SPNS3: variants seen among roughly 807,000 people sequenced by gnomAD.
SPNS3 encodes protein spinster homolog 3.
SPNS3 carries 51 observed loss-of-function variants against 54.4 expected under a neutral mutation model. That is an observed-to-expected ratio of 0.94 (90% CI 0.75 to 1.18). SPNS3 has a LOEUF of 1.18. Among genes scored for constraint, SPNS3 ranks in the 50% most tolerant of loss-of-function variants. The pLI, the probability that SPNS3 is intolerant of heterozygous loss-of-function variation, is 0.00. For missense variants in SPNS3, 669 were observed against 677.4 expected (o/e 0.99, Z 0.14); for synonymous variants, 309 against 294.7 (o/e 1.05, Z -0.50).
chr17:4,457,740 G>GC (rs372560595), intron 8 of SPNS3, among the ~76,000 whole-genome samples: 11 of 147,206 alleles, frequency 7.5e-5, no homozygotes, highest in South Asian at 2.2e-4. Context: ...GGACACAGCT[G>GC]CCCCCCCCTC....
intron 8 of SPNS3, among the ~76,000 whole-genome samples, chr17:4,476,880 C>T (rs936542300): frequency 2.0e-5 from 3 of 152,212 alleles, no homozygotes; most frequent in Non-Finnish European, 4.4e-5. Flanking sequence ...AGCTGGGCCG[C>T]GTTCCTGTCC....
chr17:4,454,610 CTTTTTTTT>C (rs55918406), intron 8 of SPNS3, among the ~76,000 whole-genome samples: 1 of 76,386 alleles, frequency 1.3e-5, no homozygotes, highest in Non-Finnish European at 2.3e-5. Context: ...CCAAATAAAG[CTTTTTTTT>C]TTTTTTTTTT....
intron 8 of SPNS3, among the ~76,000 whole-genome samples, chr17:4,456,534 T>G (rs966017633): frequency 1.3e-4 from 20 of 152,190 alleles, no homozygotes; most frequent in Admixed American, 1.3e-4. Context: ...TTATTTTATT[T>G]TATTTTTTTG....
At chr17:4,435,456 A>AT (rs1243505119) in intron 1 of SPNS3, among the ~76,000 whole-genome samples, 7 of 135,324 alleles carry the variant, frequency 5.2e-5, no homozygotes, top group African/African-American at 2.2e-4. Context: ...AAAAAAAATA[A>AT]AAAATAAAAA....
chr17:4,451,930 C>T (rs1166914659), intron 7 of SPNS3, among the ~76,000 whole-genome samples: 5 of 151,746 alleles, frequency 3.3e-5, no homozygotes, highest in African/African-American at 7.3e-5. Context: ...CCACCCACCT[C>T]GGCCTCCCAA....
intron 8 of SPNS3, among the ~76,000 whole-genome samples, chr17:4,461,349 T>C (rs1243365423): frequency 7.3e-6 from 1 of 136,240 alleles, no homozygotes; most frequent in Non-Finnish European, 1.5e-5. Flanking sequence ...TTGCTTTCTT[T>C]TCTTTTCTTT....
intron 6 of SPNS3, among the ~76,000 whole-genome samples, chr17:4,448,852 A>G (rs1314446215): frequency 6.6e-6 from 1 of 152,200 alleles, no homozygotes. Flanking sequence ...AGAGGAAGAC[A>G]GGGCAGGCAG....
chr17:4,434,331 A>C (rs1424186047), intron 1 of SPNS3, among the ~76,000 whole-genome samples, 165 bp downstream of exon 1: 7 of 152,044 alleles, frequency 4.6e-5, no homozygotes, highest in African/African-American at 1.7e-4. Flanking sequence ...CGAATCGGGG[A>C]GGACCAACTG....
intron 8 of SPNS3, among the ~76,000 whole-genome samples, chr17:4,459,117 C>T (rs1971425058): frequency 2.0e-5 from 3 of 152,142 alleles, no homozygotes; most frequent in Admixed American, 2.0e-4. Flanking sequence ...ATGGATTCCT[C>T]CCTGGTTGCT....
At chr17:4,438,319 T>C (rs1283374811) in intron 1 of SPNS3, among the ~76,000 whole-genome samples, 1 of 152,202 alleles carries the variant, frequency 6.6e-6, no homozygotes, top group African/African-American at 2.4e-5. Flanking sequence ...CGCTAAAGCC[T>C]CTGTTTCCTC....
Position 4,488,188 on chromosome 17 carries a change from T to C in SPNS3, c.*294T>C, listed in dbSNP as rs761688484. Reference sequence around the variant, plus strand: ...TAAAGAGAGGCCAGTACAAAGCCCATGGATTTTGGGCCTGTAGACAGCCGT... The same window carrying C: ...TAAAGAGAGGCCAGTACAAAGCCCACGGATTTTGGGCCTGTAGACAGCCGT... On this transcript the variant is annotated 3_prime_UTR_variant, in exon 12 of 12. Coordinates refer to ENST00000355530, the MANE Select transcript of SPNS3 (RefSeq NM_182538.5). 8 of 420,428 alleles carry C rather than the reference T, an allele frequency of 1.9e-5. No individual in the cohort carries two copies. The highest frequency in any genetic ancestry group is 1.0e-4 in the African/African-American group (5 of 49,572). 26.0% of individuals were successfully genotyped at this position (420,428 alleles called of 1,614,324 possible). A position where few individuals can be genotyped will look rare whatever the true frequency, so the allele number is the denominator to read the frequency against.
At chr17:4,461,310 ATCAATTTTTC>A (rs909844107) in intron 8 of SPNS3, among the ~76,000 whole-genome samples, 6 of 139,912 alleles carry the variant, frequency 4.3e-5, no homozygotes, top group Admixed American at 1.4e-4. Flanking sequence ...TTTTGGTTTC[ATCAATTTTTC>A]TCAATTTTTT....
At chr17:4,442,136 C>G (rs1008593215) in intron 2 of SPNS3, among the ~76,000 whole-genome samples, 1 of 152,090 alleles carries the variant, frequency 6.6e-6, no homozygotes, top group African/African-American at 2.4e-5. Context: ...AGGTGAGTCT[C>G]TTTACCTTTT....
rs117066416 is a variant in SPNS3, at chr17:4,456,243, C to T, written c.1113+3038C>T. Among the ~76,000 whole-genome samples, 161 of 152,178 alleles carry T rather than the reference C, an allele frequency of 1.1e-3. 3 individuals carry two copies. The East Asian group carries it at 0.022, about 21-fold the overall frequency. On this transcript the variant is annotated intron_variant, in intron 8 of 11. Transcript: ENST00000355530. ...CTGGGATTACAGGCATGAGCCACCG[C>T]GCCTGGTCAAGAGCAGAACTCTTTC...
chr17:4,442,276 G>T (rs979891261), intron 2 of SPNS3, among the ~76,000 whole-genome samples: 1 of 151,766 alleles, frequency 6.6e-6, no homozygotes, highest in Admixed American at 6.6e-5. Context: ...GGTGGCTCAC[G>T]CCTGTAATCC....
At chr17:4,440,579 G>A (rs566555824) in intron 2 of SPNS3, among the ~76,000 whole-genome samples, 3 of 152,184 alleles carry the variant, frequency 2.0e-5, no homozygotes, top group East Asian at 1.9e-4. Flanking sequence ...CCTGCCTGAG[G>A]GGGAGCCTGT....
At chr17:4,476,763 C>T (rs1254731869) in intron 8 of SPNS3, among the ~76,000 whole-genome samples, 1 of 152,188 alleles carries the variant, frequency 6.6e-6, no homozygotes, top group Non-Finnish European at 1.5e-5. Context: ...AGGGGCCTCT[C>T]AGTTTGGGTG....
chr17:4,457,694 G>C (rs553977877), intron 8 of SPNS3, among the ~76,000 whole-genome samples: 2,099 of 152,234 alleles, frequency 0.014, 18 homozygotes, highest in Non-Finnish European at 0.024. Context: ...CACTGTCTTG[G>C]TTGGTTCTGG....
At chr17:4,460,069 A>G (rs1428729815) in intron 8 of SPNS3, among the ~76,000 whole-genome samples, 1 of 152,126 alleles carries the variant, frequency 6.6e-6, no homozygotes, top group Non-Finnish European at 1.5e-5. Flanking sequence ...TTCCAGGTAG[A>G]GGGAACAGCA....
Sources: gnomAD v4.1 joint callset for allele counts (sites outside exome capture counted in the v4.1 genomes callset) on GRCh38, gnomAD v4.1.1 for gene constraint, MANE v1.5 for transcripts, NCBI Gene and HGNC (gene_info 2026-07-23, HGNC 2026-07-21) for gene names.